The following UBAP2L variants were observed in gnomAD, a reference collection of about 807,000 sequenced individuals.
UBAP2L encodes ubiquitin-associated protein 2-like.
UBAP2L carries 12 observed loss-of-function variants against 130.6 expected under a neutral mutation model. The ratio of observed to expected loss-of-function variants is 0.09; its 90% confidence interval spans 0.06 to 0.15. UBAP2L has a LOEUF of 0.15. Ranked by LOEUF, UBAP2L falls within the 10% of genes least tolerant of loss-of-function variation. The probability of loss-of-function intolerance (pLI) is 1.00; values close to 1 mark genes in which losing one functional copy is unlikely to be tolerated. For missense variants in UBAP2L, 965 were observed against 1,332.5 expected, an observed-to-expected ratio of 0.72 and a Z score of 4.29; for synonymous variants, 503 against 524.7, an observed-to-expected ratio of 0.96 and a Z score of 0.57.
intron 24 of UBAP2L, chr1:154,263,085 G>T (rs761199629): frequency 6.5e-6 from 10 of 1,550,274 alleles, no homozygotes; most frequent in Non-Finnish European, 8.7e-6. Context: ...TTATTTTTAT[G>T]TATTTGATTC....
Position 154,249,347 on chromosome 1 carries a change from T to C in UBAP2L, c.1123T>C (p.Leu375=), listed in dbSNP as rs1241358289. The change falls in exon 12 of 27, where the codon TTG becomes CTG. Residue 375 remains leucine (L), a synonymous_variant. Transcript: ENST00000428931. The part of the protein sequence containing the change: ...QFKTAQALAQ[L]AAQHSQSGST... ...CAAGACTGCCCAAGCCCTGGCTCAG[T>C]TGGCAGCTCAGCATTCTCAGTCTGG... 6.2e-6 allele frequency: 10 copies of C among 1,614,190 alleles called. No individual in the cohort carries two copies. The highest frequency in any genetic ancestry group is 1.7e-5 in the Admixed American group (1 of 60,016).
chr1:154,268,480 C>T (rs762844782), intron 25 of UBAP2L, among the ~76,000 whole-genome samples: 10 of 152,188 alleles, frequency 6.6e-5, no homozygotes, highest in African/African-American at 9.7e-5. Flanking sequence ...TGTGAGCCAC[C>T]ATGCCCAGCC....
chr1:154,223,581 T>C (rs1245362671), intron 1 of UBAP2L, among the ~76,000 whole-genome samples: 2 of 152,140 alleles, frequency 1.3e-5, no homozygotes, highest in Non-Finnish European at 1.5e-5. Flanking sequence ...AATGGGCTAC[T>C]GTGTAGCAAA....
chr1:154,264,183 G>A (rs1682513640), intron 24 of UBAP2L, among the ~76,000 whole-genome samples: 1 of 152,216 alleles, frequency 6.6e-6, no homozygotes, highest in South Asian at 2.1e-4. Flanking sequence ...CGTGGACAGT[G>A]AGATCACCAC....
intron 18 of UBAP2L, 50 bp downstream of exon 18, chr1:154,255,805 T>C (rs1679441714): frequency 6.3e-7 from 1 of 1,595,356 alleles, no homozygotes; most frequent in Non-Finnish European, 8.6e-7. Flanking sequence ...CTTAGAACTG[T>C]CCAACTGTAA....
intron 4 of UBAP2L, among the ~76,000 whole-genome samples, chr1:154,231,566 G>T (rs1374059365): frequency 1.3e-5 from 2 of 152,272 alleles, no homozygotes; most frequent in East Asian, 1.9e-4. Context: ...CTCGGAAAGT[G>T]CTGGGATTAT....
intron 22 of UBAP2L, 111 bp from the exon 23 acceptor site, chr1:154,260,781 C>CTTTAATA: frequency 9.5e-7 from 1 of 1,054,350 alleles, no homozygotes; most frequent in South Asian, 1.6e-5. Context: ...AGGAATTGAA[C>CTTTAATA]TTTAATAGTC....
At chr1:154,251,793 T>A (rs1677684486) in intron 14 of UBAP2L, 140 bp downstream of exon 14, 1 of 922,806 alleles carries the variant, frequency 1.1e-6, no homozygotes, top group East Asian at 2.6e-5. Context: ...GCATTTTTAG[T>A]GCTTTAAAAT....
chr1:154,253,290 C>T (rs985645833), intron 14 of UBAP2L, among the ~76,000 whole-genome samples: 4 of 152,296 alleles, frequency 2.6e-5, no homozygotes, highest in African/African-American at 4.8e-5. Context: ...GCATGAGCCA[C>T]GGCTTCCGGG....
intron 16 of UBAP2L, 112 bp from the exon 17 acceptor site, chr1:154,255,040 A>G (rs1449823338): frequency 2.1e-6 from 3 of 1,418,802 alleles, no homozygotes; most frequent in African/African-American, 1.4e-5. Flanking sequence ...AATATAGTCC[A>G]TTGTTAAATA....
chr1:154,242,790 T>G (rs760830817), intron 9 of UBAP2L: 1 of 152,410 alleles, frequency 6.6e-6, no homozygotes, highest in African/African-American at 2.4e-5. Context: ...TGAACTTCTT[T>G]TATTTATTTC....
At chr1:154,249,658 G>T (rs1676816022) in intron 12 of UBAP2L, among the ~76,000 whole-genome samples, 1 of 152,066 alleles carries the variant, frequency 6.6e-6, no homozygotes, top group Admixed American at 6.6e-5. Context: ...TTTAGAGGCT[G>T]GGCATGGTAG....
downstream of UBAP2L, chr1:154,270,986 C>A: frequency 6.5e-7 from 1 of 1,532,388 alleles, no homozygotes; most frequent in African/African-American, 1.4e-5. Context: ...ATGAAATCTT[C>A]GCCCTTTAAG....
At chr1:154,265,318 T>C (rs561584817) in intron 24 of UBAP2L, among the ~76,000 whole-genome samples, 1 of 152,316 alleles carries the variant, frequency 6.6e-6, no homozygotes, top group South Asian at 2.1e-4. Flanking sequence ...GCCACTCTAG[T>C]ACACTGCTTC....
chr1:154,243,884 C>T (rs1268189974), intron 10 of UBAP2L, among the ~76,000 whole-genome samples: 1 of 152,148 alleles, frequency 6.6e-6, no homozygotes, highest in African/African-American at 2.4e-5. Flanking sequence ...TTTCATATCA[C>T]CAGCATTGAG....
At chr1:154,256,731 T>C (rs1015084878) in intron 18 of UBAP2L, among the ~76,000 whole-genome samples, 14 of 152,210 alleles carry the variant, frequency 9.2e-5, no homozygotes, top group African/African-American at 3.1e-4. Context: ...AGCTGTGATA[T>C]ATTTTTTACA....
At position 154,249,385 on chromosome 1, in the gene UBAP2L, C is replaced by T; in HGVS notation, c.1161C>T (p.Thr387=). 1.2e-6 allele frequency: 2 copies of T among 1,614,204 alleles called. No homozygotes were observed. The highest frequency in any genetic ancestry group is 1.7e-6 in the Non-Finnish European group (2 of 1,180,034). ...ATTCTCAGTCTGGAAGCACCACCACCTCCTCTTGGGACATGGGCTCGACGA... is the reference window on the plus strand; with the variant it reads ...ATTCTCAGTCTGGAAGCACCACCACTTCCTCTTGGGACATGGGCTCGACGA... ...AQHSQSGSTT[T]SSWDMGSTTQ... Residue 387 remains threonine, a synonymous_variant, in exon 12 of 27, where the codon ACC becomes ACT. Coordinates refer to ENST00000428931, the MANE Select transcript of UBAP2L (RefSeq NM_014847.4).
rs1681390596 is a variant in UBAP2L, at chr1:154,261,096, C to A, written c.2783C>A (p.Pro928His). Residue 928 changes from proline (P) to histidine (H), a missense_variant, in exon 23 of 27, where the codon CCT (proline) becomes CAT (histidine). Physicochemically the swap from Pro to His is moderately conservative, Grantham distance 77 (BLOSUM62 -2). Around this residue, in one of 9 missense-constraint regions of UBAP2L, gnomAD observed 194 missense variants for 334.0 expected, o/e 0.58. Transcript: ENST00000428931. ...PGLPSTFQYG[P>H]AVFPVAPTSS... ...CTCCCCAGCACCTTCCAGTATGGGCCTGCTGTGTTCCCTGTGAGTACCTGG... is the reference window on the plus strand; with the variant it reads ...CTCCCCAGCACCTTCCAGTATGGGCATGCTGTGTTCCCTGTGAGTACCTGG... 1 of 1,613,770 alleles carries A rather than the reference C, an allele frequency of 6.2e-7. No homozygotes were observed. The highest frequency in any genetic ancestry group is 1.3e-5 in the African/African-American group (1 of 74,932).
At chr1:154,223,043 A>G (rs1381626159) in intron 1 of UBAP2L, among the ~76,000 whole-genome samples, 1 of 152,212 alleles carries the variant, frequency 6.6e-6, no homozygotes, top group Non-Finnish European at 1.5e-5. Flanking sequence ...TCTGCTTGCT[A>G]CTAATTCTGT....
Sources: allele counts gnomAD v4.1 joint callset (sites outside exome capture counted in the v4.1 genomes callset), GRCh38; gene constraint gnomAD v4.1.1; regional missense constraint gnomAD v4.1.1; transcripts MANE v1.5; gene names NCBI Gene and HGNC (gene_info 2026-07-23, HGNC 2026-07-21).